Variants in SEH1L observed in about 807,000 individuals in gnomAD.
SEH1L encodes the protein nucleoporin SEH1.
SEH1L carries 18 observed loss-of-function variants against 49.5 expected under a neutral mutation model. The observed-to-expected ratio is 0.36, with a 90% CI of 0.25 to 0.54. SEH1L has a LOEUF of 0.54. Among genes scored for constraint, SEH1L ranks in the 20% least tolerant of loss-of-function variants. SEH1L has a pLI of 0.87. For synonymous variants in SEH1L, 169 were observed against 178.1 expected (o/e 0.95, Z 0.41); for missense variants, 404 against 528.8 (o/e 0.76, Z 2.31).
intron 1 of SEH1L, among the ~76,000 whole-genome samples, chr18:12,950,472 G>C (rs1388945034): frequency 2.6e-5 from 4 of 152,150 alleles, no homozygotes; most frequent in African/African-American, 9.7e-5. Context: ...TTGCTAATGT[G>C]TTAATATTTA....
At chr18:12,952,868 GC>G (rs1475656707) in intron 2 of SEH1L, among the ~76,000 whole-genome samples, 1 of 146,444 alleles carries the variant, frequency 6.8e-6, no homozygotes, top group African/African-American at 2.5e-5. Flanking sequence ...TGCAACCTCT[GC>G]CTCCTGGGTT....
Position 12,948,033 on chromosome 18 carries a change from G to A in SEH1L, c.-89G>A, listed in dbSNP as rs878995869. On this transcript the variant is annotated 5_prime_UTR_variant, in exon 1 of 9. Transcript: ENST00000399892. The stretch of plus-strand genomic sequence containing the variant: ...GGCAGCACAAGCCGTGCGCTCCCGG[G>A]CTGCGAGGTCTGGCTAGGCTACGGG... 22 of 921,318 alleles carry A rather than the reference G, an allele frequency of 2.4e-5. No individual in the cohort carries two copies. The South Asian group carries it at 3.2e-4, about 13-fold the overall frequency. 57.1% of individuals were successfully genotyped at this position (921,318 alleles called of 1,614,324 possible). A position where few individuals can be genotyped will look rare whatever the true frequency, so the allele number is the denominator to read the frequency against.
chr18:12,956,188 G>A (rs910456111), intron 3 of SEH1L, among the ~76,000 whole-genome samples: 1 of 151,790 alleles, frequency 6.6e-6, no homozygotes, highest in African/African-American at 2.4e-5. Flanking sequence ...GGGACTACAG[G>A]CGCCCGCCAC....
chr18:12,952,615 A>C (rs937375644), intron 2 of SEH1L, among the ~76,000 whole-genome samples: 6 of 152,188 alleles, frequency 3.9e-5, no homozygotes, highest in African/African-American at 1.4e-4. Flanking sequence ...TTGTGTAGTC[A>C]TCACTGTAAT....
chr18:12,950,782 C>G (rs567767381), intron 1 of SEH1L, among the ~76,000 whole-genome samples: 23 of 152,156 alleles, frequency 1.5e-4, no homozygotes, highest in Non-Finnish European at 7.4e-5. Context: ...GAAATTGGCA[C>G]CTTCTTATTG....
chr18:12,963,417 C>A, intron 4 of SEH1L, 46 bp downstream of exon 4: 2 of 1,419,708 alleles, frequency 1.4e-6, no homozygotes, highest in Non-Finnish European at 2.0e-6. Context: ...GTAAAATAAA[C>A]TAGTAACTTT....
At chr18:12,980,828 C>A in intron 6 of SEH1L, among the ~76,000 whole-genome samples, 1 of 119,136 alleles carries the variant, frequency 8.4e-6, no homozygotes, top group Non-Finnish European at 1.8e-5. Flanking sequence ...GGGGCTGACC[C>A]CCCCACTTCC....
Position 12,951,863 on chromosome 18 carries a change from TA to T in SEH1L, c.124del (p.Ser42ValfsTer22). The T allele has an allele frequency of 6.3e-7, 1 of 1,575,198 alleles. No homozygotes were observed. Among genetic ancestry groups the T allele is most frequent in the Admixed American group, 1.8e-5 (1 of 55,498 alleles). Reference sequence around the variant, plus strand: ...CTTTTATTTTCTTATAGGTCTGGGATAAAAGTGAAAGTGGTGATTGGCATTG... The same window carrying T: ...CTTTTATTTTCTTATAGGTCTGGGATAAAGTGAAAGTGGTGATTGGCATTG... ...SSDQSVKVWD[K>X]SESGDWHCTA... On this transcript the variant is annotated frameshift_variant, in exon 2 of 9. Transcript: ENST00000399892. LOFTEE classifies it high-confidence loss of function.
chr18:12,970,833 T>C (rs1406922135), intron 4 of SEH1L, among the ~76,000 whole-genome samples: 1 of 152,252 alleles, frequency 6.6e-6, no homozygotes, highest in Non-Finnish European at 1.5e-5. Flanking sequence ...GAGGAAAAAT[T>C]ACTAAGACCT....
chr18:12,951,652 A>G (rs572795383), intron 1 of SEH1L, among the ~76,000 whole-genome samples: 1 of 152,348 alleles, frequency 6.6e-6, no homozygotes, highest in Non-Finnish European at 1.5e-5. Context: ...TGGCCTCCCA[A>G]AGTGCTGGGA....
At chr18:12,965,774 A>G (rs958625670) in intron 4 of SEH1L, among the ~76,000 whole-genome samples, 8 of 152,226 alleles carry the variant, frequency 5.3e-5, no homozygotes, top group African/African-American at 1.4e-4. Context: ...TTGATAGCCA[A>G]TGGAAATGAG....
chr18:12,966,016 C>T (rs1218414348), intron 4 of SEH1L, among the ~76,000 whole-genome samples: 2 of 152,136 alleles, frequency 1.3e-5, no homozygotes, highest in African/African-American at 4.8e-5. Flanking sequence ...AAAACCCCAA[C>T]CTGGATTATT....
chr18:12,983,960 G>A (rs957796608), intron 7 of SEH1L, 80 bp from the exon 8 acceptor site: 30 of 1,089,120 alleles, frequency 2.8e-5, no homozygotes, highest in Non-Finnish European at 3.8e-5. Context: ...TTTAATTGTA[G>A]TTTAAGGACA....
chr18:12,985,696 T>C (rs190860054), intron 8 of SEH1L: 3 of 948,980 alleles, frequency 3.2e-6, no homozygotes, highest in Middle Eastern at 5.4e-4. Context: ...AATTTGAAGA[T>C]TGAATAAATA....
chr18:12,969,929 C>T (rs1443656758), intron 4 of SEH1L, among the ~76,000 whole-genome samples: 1 of 152,026 alleles, frequency 6.6e-6, no homozygotes, highest in Non-Finnish European at 1.5e-5. Context: ...GTTTGTGAGA[C>T]ACAGAAATTG....
chr18:12,975,781 G>C lies in SEH1L; in HGVS notation c.621-2971G>C, dbSNP rs528625322. The C allele has an allele frequency of 3.0e-6, 3 of 987,260 alleles. No individual in the cohort carries two copies. The African/African-American group carries it at 5.2e-5, about 17-fold the overall frequency. 61.2% of individuals were successfully genotyped at this position (987,260 alleles called of 1,614,324 possible). ...GGACTGGGAGCAGGAACTCAGGGAT[G>C]AATGCAGTAGCCCACTATGATGTGG... is the stretch of plus-strand genomic sequence containing the variant. On this transcript the variant is annotated intron_variant, in intron 5 of 8. Coordinates refer to ENST00000399892, the MANE Select transcript of SEH1L (RefSeq NM_001013437.2).
intron 2 of SEH1L, among the ~76,000 whole-genome samples, chr18:12,953,420 G>A (rs80253766): frequency 2.5e-3 from 379 of 152,328 alleles, no homozygotes; most frequent in African/African-American, 8.8e-3. Context: ...AAGAAACTGC[G>A]AAACTCTTCC....
intron 6 of SEH1L, among the ~76,000 whole-genome samples, chr18:12,981,131 A>T (rs1333558754): frequency 6.7e-6 from 1 of 150,338 alleles, no homozygotes; most frequent in Non-Finnish European, 1.5e-5. Context: ...GATGCTCCCC[A>T]CATCTCAGAT....
rs1568215168 is a variant in SEH1L at position 12,961,958 on chromosome 18, A to G, written c.310-1202A>G. Among the ~76,000 whole-genome samples, 4 of 152,116 alleles carry G rather than the reference A, an allele frequency of 2.6e-5. No homozygotes were observed. The South Asian group carries it at 8.3e-4, about 32-fold the overall frequency. ...TGGGATTACAGGCGTGAGCTACTGCACCTGAGCTTATTGATGTTTTTAGTA... is the reference window on the plus strand; with the variant it reads ...TGGGATTACAGGCGTGAGCTACTGCGCCTGAGCTTATTGATGTTTTTAGTA... On this transcript the variant is annotated intron_variant, in intron 3 of 8. Coordinates refer to ENST00000399892, the MANE Select transcript of SEH1L (RefSeq NM_001013437.2).
Sources: gnomAD v4.1 joint callset for allele counts (sites outside exome capture counted in the v4.1 genomes callset) on GRCh38, gnomAD v4.1.1 for gene constraint, MANE v1.5 for transcripts, NCBI Gene and HGNC (gene_info 2026-07-23, HGNC 2026-07-21) for gene names.